Variants in ERBIN observed in about 807,000 individuals in gnomAD.
The protein encoded by ERBIN is densin-180-like protein.
A neutral mutation model predicts 158.4 loss-of-function variants in ERBIN; 60 were observed. The observed-to-expected ratio is 0.38, with a 90% CI of 0.31 to 0.47. The LOEUF is 0.47. Among genes scored for constraint, ERBIN ranks in the 20% least tolerant of loss-of-function variants. ERBIN has a pLI of 0.99. For missense variants in ERBIN, 1,610 were observed against 1,648.0 expected, an observed-to-expected ratio of 0.98 and a Z score of 0.40; for synonymous variants, 594 against 557.2, an observed-to-expected ratio of 1.07 and a Z score of -0.93.
chr5:66,049,732 T>G (rs1406141461), intron 19 of ERBIN, among the ~76,000 whole-genome samples: 2 of 152,062 alleles, frequency 1.3e-5, no homozygotes, highest in Non-Finnish European at 1.5e-5. Flanking sequence ...CATATAATCA[T>G]CTATGGATAT....
rs1355498423 is a variant in ERBIN at position 66,050,895 on chromosome 5, T to G, written c.2016T>G (p.Thr672=). 1.2e-6 allele frequency: 2 copies of G among 1,606,246 alleles called. No individual in the cohort carries two copies. The highest frequency in any genetic ancestry group is 1.7e-6 in the Non-Finnish European group (2 of 1,177,292). The change falls in exon 20 of 26, where the codon ACT becomes ACG. Residue 672 remains threonine (T), a synonymous_variant. Transcript: ENST00000284037. ...TGTCTGATTCAGTTTCTCTTAATAC[T>G]GATAGTAGTCAAGACACCTCACTCT... is the stretch of plus-strand genomic sequence containing the variant. The part of the protein sequence containing the change: ...SRMSDSVSLN[T]DSSQDTSLCS...
chr5:66,048,660 T>C lies in ERBIN; in HGVS notation c.1789-7T>C. On this transcript the variant is annotated splice_region_variant and splice_polypyrimidine_tract_variant and intron_variant, in intron 18 of 25. Coordinates refer to ENST00000284037, the MANE Select transcript of ERBIN (RefSeq NM_001253697.2). ...AATTTTTATCCCCCTCACCCCCTTT[T>C]CACTAGGAATCTGAAGAACTTTCTT... 6.3e-7 allele frequency: 1 copy of C among 1,584,418 alleles called. No individual in the cohort carries two copies.
chr5:65,940,560 G>C, intron 1 of ERBIN, among the ~76,000 whole-genome samples: 1 of 138,290 alleles, frequency 7.2e-6, no homozygotes, highest in African/African-American at 2.8e-5. Context: ...CCGTCCGGGA[G>C]GTGAGGGGCG....
chr5:66,062,574 G>A (rs748184238), intron 21 of ERBIN, among the ~76,000 whole-genome samples: 11 of 152,240 alleles, frequency 7.2e-5, no homozygotes, highest in East Asian at 5.8e-4. Context: ...GCTTTGTTCC[G>A]TTGCTGGTGA....
chr5:66,005,724 C>T (rs1431371722), intron 4 of ERBIN, among the ~76,000 whole-genome samples: 3 of 152,104 alleles, frequency 2.0e-5, no homozygotes, highest in Admixed American at 2.0e-4. Context: ...AATCAATGTG[C>T]AAAAATCACA....
chr5:66,011,560 G>T (rs1327910552), intron 4 of ERBIN, among the ~76,000 whole-genome samples: 2 of 152,128 alleles, frequency 1.3e-5, no homozygotes, highest in South Asian at 4.1e-4. Context: ...GGTGGCGGGC[G>T]CCTGTAATCT....
chr5:66,054,154 T>G lies in ERBIN; in HGVS notation c.2836T>G (p.Phe946Val), dbSNP rs1444605428. Residue 946 changes from phenylalanine to valine, a missense_variant, in exon 21 of 26, where the codon TTT (phenylalanine) becomes GTT (valine). Phe to Val is a conservative substitution (Grantham distance 50). Coordinates refer to ENST00000284037, the MANE Select transcript of ERBIN (RefSeq NM_001253697.2). ...LISGTKAIFK[F>V]DSNHNPEEPN... ...ATCAGGAACAAAGGCAATTTTCAAG[T>G]TTGATTCAAATCATAATCCCGAAGA... is the stretch of plus-strand genomic sequence containing the variant. The G allele has an allele frequency of 6.2e-7, 1 of 1,614,140 alleles. No homozygotes were observed. The highest frequency in any genetic ancestry group is 8.5e-7 in the Non-Finnish European group (1 of 1,180,016).
In ERBIN at chr5:66,077,759, TACACAC is replaced by T. The variant is rs70987111; in HGVS notation, c.4132-634_4132-629del. 6.6e-3 allele frequency among the ~76,000 whole-genome samples: 914 copies of T among 139,374 alleles called. 10 individuals are homozygous for T. Among genetic ancestry groups the T allele is most frequent in the African/African-American group, 0.022 (812 of 36,888 alleles). The allele number at this position is 139,374 out of a possible 152,430, so 91.4% of individuals were successfully genotyped here. A position where few individuals can be genotyped will look rare whatever the true frequency, so the allele number is the denominator to read the frequency against. On this transcript the variant is annotated intron_variant, in intron 25 of 25. Coordinates refer to ENST00000284037, the MANE Select transcript of ERBIN (RefSeq NM_001253697.2). ...TTCTCTTTTTCTCCCTCCCTCCCTCTACACACACACACACACACACACACACACACA... is the reference window on the plus strand; with the variant it reads ...TTCTCTTTTTCTCCCTCCCTCCCTCTACACACACACACACACACACACACA...
At chr5:66,020,397 A>T (rs1755564008) in intron 7 of ERBIN, among the ~76,000 whole-genome samples, 1 of 151,988 alleles carries the variant, frequency 6.6e-6, no homozygotes, top group African/African-American at 2.4e-5. Context: ...GTGCCTGTGG[A>T]TTTTAAATGA....
intron 21 of ERBIN, among the ~76,000 whole-genome samples, chr5:66,059,059 T>C (rs994592918): frequency 6.6e-6 from 1 of 152,184 alleles, no homozygotes; most frequent in Non-Finnish European, 1.5e-5. Flanking sequence ...AGTAGTTTTT[T>C]CCAATTCTGT....
intron 21 of ERBIN, chr5:66,069,099 GAAA>G (rs893202200): frequency 2.0e-5 from 26 of 1,293,366 alleles, no homozygotes; most frequent in Admixed American, 3.3e-5. Flanking sequence ...ATGTTTCCAG[GAAA>G]AAAAATGTTT....
chr5:66,050,983 T>TA lies in ERBIN; in HGVS notation c.2087+18dup. The TA allele has an allele frequency of 6.5e-7, 1 of 1,536,946 alleles. No homozygotes were observed. On this transcript the variant is annotated intron_variant, in intron 20 of 25. Coordinates refer to ENST00000284037, the MANE Select transcript of ERBIN (RefSeq NM_001253697.2). ...CAAAATCAGGTGTGTGAACCTCTTT[T>TA]ACAGTTTTTTATTTATACAATAAAT...
rs1363811119 is a variant in ERBIN at position 65,940,676 on chromosome 5, C to G, written c.-58+13870C>G. Among the ~76,000 whole-genome samples the G allele has an allele frequency of 1.0e-3, 146 of 144,768 alleles. 7 individuals carry two copies. Among genetic ancestry groups the G allele is most frequent in the African/African-American group, 3.7e-3 (139 of 37,082 alleles). The allele number at this position is 144,768 out of a possible 152,430, so 95.0% of individuals were successfully genotyped here. On this transcript the variant is annotated intron_variant, in intron 1 of 25. Coordinates refer to ENST00000284037, the MANE Select transcript of ERBIN (RefSeq NM_001253697.2). ...TCAGCCCCCCGCCCGGCCAGCCGCC[C>G]GGTCCGGGAGGGAGGTGGGGGGGTC...
intron 1 of ERBIN, 60 bp downstream of exon 1, chr5:65,926,866 AAG>A (rs1742711475): frequency 6.6e-6 from 1 of 152,098 alleles, no homozygotes; most frequent in Non-Finnish European, 1.5e-5. Context: ...TGACTCGGAA[AAG>A]AGATGATTCT....
intron 1 of ERBIN, among the ~76,000 whole-genome samples, chr5:65,977,360 C>T (rs1338898957): frequency 4.7e-5 from 7 of 150,470 alleles, no homozygotes; most frequent in African/African-American, 9.8e-5. Context: ...ACTTCCCAGA[C>T]GGGGTGGCTG....
intron 15 of ERBIN, among the ~76,000 whole-genome samples, chr5:66,039,596 A>T (rs1024496587): frequency 6.6e-6 from 1 of 152,034 alleles, no homozygotes; most frequent in African/African-American, 2.4e-5. Context: ...CAGCATAAGC[A>T]GGGTTTGCAC....
intron 21 of ERBIN, among the ~76,000 whole-genome samples, chr5:66,064,316 TAA>T (rs1256970165): frequency 1.3e-5 from 2 of 152,202 alleles, no homozygotes; most frequent in African/African-American, 4.8e-5. Context: ...CATTTGATAA[TAA>T]AGTATGAATA....
chr5:66,077,524 A>G (rs1762101402), intron 25 of ERBIN, among the ~76,000 whole-genome samples: 1 of 152,140 alleles, frequency 6.6e-6, no homozygotes, highest in South Asian at 2.1e-4. Context: ...AATAGCTGAA[A>G]GTACAGATTC....
chr5:65,943,806 CTT>C (rs1440728664), intron 1 of ERBIN, among the ~76,000 whole-genome samples: 1 of 152,188 alleles, frequency 6.6e-6, no homozygotes, highest in Non-Finnish European at 1.5e-5. Flanking sequence ...CTCCAGAACT[CTT>C]TTCATTTTGC....
Sources: gnomAD v4.1 joint callset for allele counts (sites outside exome capture counted in the v4.1 genomes callset) on GRCh38, gnomAD v4.1.1 for gene constraint, MANE v1.5 for transcripts, NCBI Gene and HGNC (gene_info 2026-07-23, HGNC 2026-07-21) for gene names.